Variants in ITGB5 observed in about 807,000 individuals in gnomAD.
ITGB5 encodes integrin subunit beta 5.
ITGB5 carries 38 observed loss-of-function variants against 84.8 expected under a neutral mutation model. The observed-to-expected ratio is 0.45, with a 90% CI of 0.35 to 0.59. The LOEUF is 0.59. ITGB5 is among the 20% of genes least tolerant of loss of function. ITGB5 has a pLI of 0.01. For missense variants in ITGB5, 905 were observed against 1,034.5 expected (o/e 0.87, Z 1.72); for synonymous variants, 393 against 414.4 (o/e 0.95, Z 0.63).
chr3:124,770,624 G>A (rs1291815875), intron 11 of ITGB5, among the ~76,000 whole-genome samples: 2 of 152,164 alleles, frequency 1.3e-5, no homozygotes, highest in Non-Finnish European at 2.9e-5. Context: ...ATTTTACGGA[G>A]GAGAACTTGA....
At position 124,773,875 on chromosome 3, in the gene ITGB5, A is replaced by G. The variant is rs2063884768; in HGVS notation, c.1731T>C (p.His577=). 2 of 1,614,098 alleles carry G rather than the reference A, an allele frequency of 1.2e-6. No homozygotes were observed. Among genetic ancestry groups the G allele is most frequent in the East Asian group, 2.2e-5 (1 of 44,900 alleles). The change falls in exon 11 of 15, where the codon CAT becomes CAC. Residue 577 remains histidine (H), a synonymous_variant. Coordinates refer to ENST00000296181, the MANE Select transcript of ITGB5 (RefSeq NM_002213.5). ...TACAGTTGTCCCCGATGTAACCTGC[A>G]TGGCACTTGCATTCCCCGCAGTGAC... is the stretch of plus-strand genomic sequence containing the variant. ...GECHCGECKC[H]AGYIGDNCNC...
At chr3:124,826,874 C>T (rs1242029041) in intron 5 of ITGB5, among the ~76,000 whole-genome samples, 4 of 152,190 alleles carry the variant, frequency 2.6e-5, no homozygotes, top group Non-Finnish European at 4.4e-5. Flanking sequence ...ATGGTGTTAA[C>T]AAACTTGGCC....
At chr3:124,869,995 T>G (rs1236680817) in intron 2 of ITGB5, among the ~76,000 whole-genome samples, 1 of 152,182 alleles carries the variant, frequency 6.6e-6, no homozygotes, top group Admixed American at 6.5e-5. Context: ...CCACAAGTCC[T>G]CTCATGCACG....
chr3:124,835,279 G>A (rs939983522), intron 5 of ITGB5, among the ~76,000 whole-genome samples: 2 of 152,260 alleles, frequency 1.3e-5, no homozygotes, highest in African/African-American at 4.8e-5. Flanking sequence ...GCAGAAGGCA[G>A]AGCCAGGAAA....
intron 4 of ITGB5, among the ~76,000 whole-genome samples, chr3:124,845,882 G>A (rs1044645223): frequency 3.3e-5 from 5 of 152,126 alleles, no homozygotes; most frequent in African/African-American, 1.2e-4. Context: ...GTTGCTCCTG[G>A]TAAGCAGCAA....
chr3:124,767,566 A>G (rs1342471463), intron 12 of ITGB5, among the ~76,000 whole-genome samples: 1 of 152,178 alleles, frequency 6.6e-6, no homozygotes, highest in South Asian at 2.1e-4. Flanking sequence ...TTCTCTGACC[A>G]TGTGTGCCTA....
At chr3:124,785,294 G>A (rs1218119882) in intron 10 of ITGB5, among the ~76,000 whole-genome samples, 2 of 152,164 alleles carry the variant, frequency 1.3e-5, no homozygotes, top group Non-Finnish European at 2.9e-5. Context: ...TAACAAAGGT[G>A]CACTTGTGTC....
At chr3:124,778,149 T>C (rs989972663) in intron 10 of ITGB5, among the ~76,000 whole-genome samples, 7 of 152,224 alleles carry the variant, frequency 4.6e-5, no homozygotes. Flanking sequence ...GGAAAAAATA[T>C]TTTCATTACA....
chr3:124,875,219 T>C (rs1008357794), intron 1 of ITGB5, among the ~76,000 whole-genome samples: 2 of 152,134 alleles, frequency 1.3e-5, no homozygotes, highest in African/African-American at 4.8e-5. Flanking sequence ...GGCTCGCACC[T>C]GTAATACTAG....
rs763839738 is a variant in ITGB5 at position 124,819,757 on chromosome 3, G to GT, written c.1019dup (p.Asn340LysfsTer34). 6.2e-7 allele frequency: 1 copy of GT among 1,612,690 alleles called. No homozygotes were observed. Among genetic ancestry groups the GT allele is most frequent in the Non-Finnish European group, 8.5e-7 (1 of 1,178,870 alleles). ...AGCATACCTTGTACAGCATATAATG[G>GT]TTTTTTGTCACTGCAAAGATGAGGT... On this transcript the variant is annotated frameshift_variant, in exon 7 of 15. Transcript: ENST00000296181. LOFTEE classifies it high-confidence loss of function.
chr3:124,878,904 C>A (rs971224519), intron 1 of ITGB5, among the ~76,000 whole-genome samples: 1 of 152,158 alleles, frequency 6.6e-6, no homozygotes, highest in Non-Finnish European at 1.5e-5. Context: ...CAGATGATAG[C>A]CACATCTCAT....
At chr3:124,868,350 A>G (rs1322200221) in intron 2 of ITGB5, among the ~76,000 whole-genome samples, 1 of 152,120 alleles carries the variant, frequency 6.6e-6, no homozygotes, top group Non-Finnish European at 1.5e-5. Context: ...TGCTGCAGAG[A>G]GGCAGGGGCA....
chr3:124,821,475 C>T lies in ITGB5; in HGVS notation c.781-1G>A, dbSNP rs1432807372. The T allele has an allele frequency of 2.5e-6, 4 of 1,614,094 alleles. No individual in the cohort carries two copies. Among genetic ancestry groups the T allele is most frequent in the African/African-American group, 1.3e-5 (1 of 75,054 alleles). ...CATCCTTTCGCCAGCCAATCTTCTC[C>T]TGAAGGACAGAAGGTGGATGGGTAC... On this transcript the variant is annotated splice_acceptor_variant, in intron 5 of 14. Coordinates refer to ENST00000296181, the MANE Select transcript of ITGB5 (RefSeq NM_002213.5). LOFTEE classifies it high-confidence loss of function.
At chr3:124,838,071 A>T (rs1006471065) in intron 5 of ITGB5, among the ~76,000 whole-genome samples, 6 of 152,170 alleles carry the variant, frequency 3.9e-5, no homozygotes, top group Non-Finnish European at 7.3e-5. Flanking sequence ...GATAGCCAAG[A>T]TCTGCTTCAA....
chr3:124,785,674 A>G (rs1205248678), intron 10 of ITGB5, among the ~76,000 whole-genome samples: 1 of 152,162 alleles, frequency 6.6e-6, no homozygotes, highest in Non-Finnish European at 1.5e-5. Context: ...CTGAATACTA[A>G]GAAGAGCTCT....
At chr3:124,804,846 T>C (rs1374441740) in intron 9 of ITGB5, among the ~76,000 whole-genome samples, 1 of 152,120 alleles carries the variant, frequency 6.6e-6, no homozygotes, top group Non-Finnish European at 1.5e-5. Flanking sequence ...TTTGTATTTT[T>C]AGTAGAGACA....
chr3:124,850,345 G>A (rs902431619), intron 3 of ITGB5, among the ~76,000 whole-genome samples: 5 of 151,958 alleles, frequency 3.3e-5, no homozygotes, highest in Admixed American at 6.6e-5. Flanking sequence ...CCTATGATGC[G>A]CTCATGAGGG....
intron 5 of ITGB5, among the ~76,000 whole-genome samples, chr3:124,829,371 C>T (rs1001928498): frequency 1.3e-5 from 2 of 152,230 alleles, no homozygotes; most frequent in Non-Finnish European, 2.9e-5. Flanking sequence ...GGGGCGGAAA[C>T]GCACTGGACG....
At chr3:124,872,615 T>C (rs1379352689) in intron 2 of ITGB5, among the ~76,000 whole-genome samples, 2 of 152,172 alleles carry the variant, frequency 1.3e-5, no homozygotes, top group East Asian at 3.8e-4. Context: ...CCTGGATTCC[T>C]TTACAAATAA....
Sources: gnomAD v4.1 joint callset for allele counts (sites outside exome capture counted in the v4.1 genomes callset) on GRCh38, gnomAD v4.1.1 for gene constraint, MANE v1.5 for transcripts, NCBI Gene and HGNC (gene_info 2026-07-23, HGNC 2026-07-21) for gene names.